Variants in NOX5 observed in about 807,000 individuals in gnomAD.
NOX5 encodes NADPH oxidase 5.
Under a neutral mutation model 85.7 loss-of-function variants are expected in NOX5, and 76 were observed. The ratio of observed to expected loss-of-function variants is 0.89; its 90% CI spans 0.74 to 1.07. The LOEUF is 1.07. Among genes scored for constraint, NOX5 ranks in the 50% least tolerant of loss-of-function variants. The pLI is 0.00. For synonymous variants in NOX5, 405 were observed against 401.4 expected (o/e 1.01, Z -0.11); for missense variants, 973 against 999.5 (o/e 0.97, Z 0.36).
chr15:69,044,391 C>G (rs311931), intron 10 of NOX5, among the ~76,000 whole-genome samples: 148,348 of 152,300 alleles, frequency 0.97, 72,379 homozygotes, highest in East Asian at 1. Flanking sequence ...TGCATAACAT[C>G]TCAGGTGATA....
At chr15:69,049,087 T>A in intron 14 of NOX5, 29 bp downstream of exon 14, 1 of 1,512,958 alleles carries the variant, frequency 6.6e-7, no homozygotes, top group Non-Finnish European at 9.1e-7. Flanking sequence ...CTGAGGGCAG[T>A]AGGAGTAGGG....
intron 9 of NOX5, among the ~76,000 whole-genome samples, chr15:69,041,994 C>T (rs1207083069): frequency 6.6e-6 from 1 of 150,880 alleles, no homozygotes; most frequent in Non-Finnish European, 1.5e-5. Flanking sequence ...ATCCCTGCTT[C>T]GTGTATTTAG....
intron 5 of NOX5, 24 bp from the exon 6 acceptor site, chr15:69,035,330 C>T (rs1395576742): frequency 1.9e-6 from 3 of 1,610,350 alleles, no homozygotes; most frequent in Admixed American, 1.7e-5. Flanking sequence ...TGAGGCAGGG[C>T]TCTCTCCCAC....
chr15:69,015,294 A>T (rs541573566), intron 1 of NOX5, among the ~76,000 whole-genome samples: 1 of 151,614 alleles, frequency 6.6e-6, no homozygotes, highest in South Asian at 2.1e-4. Flanking sequence ...CACCTAGATC[A>T]CTCTGGCTGT....
chr15:69,023,503 C>T (rs2050320107), intron 1 of NOX5: 2 of 350,394 alleles, frequency 5.7e-6, no homozygotes, highest in Admixed American at 7.2e-5. Context: ...GGGTTGTCTT[C>T]TTGACCACCA....
rs755140225 is a variant in NOX5, at chr15:69,028,363, A to T, written c.323A>T (p.Asp108Val). Residue 108 changes from aspartate to valine, a missense_variant and splice_region_variant, in exon 3 of 16, where the codon GAT becomes GTT. By Grantham distance (152) the Asp-to-Val change is radical (BLOSUM62 -3). Coordinates refer to ENST00000388866, the MANE Select transcript of NOX5 (RefSeq NM_024505.4). Reference protein sequence around the residue: ...LKFLFQVYDIDVCARQGASAG... With the variant: ...LKFLFQVYDIVVCARQGASAG... ...TTCCTCTTCCAGGTGTATGACATCG[A>T]TGGTAAGGGCTCTTCCTGGGTGTGG... 1 of 1,598,196 alleles carries T rather than the reference A, an allele frequency of 6.3e-7. No homozygotes were observed. Among genetic ancestry groups the T allele is most frequent in the East Asian group, 2.3e-5 (1 of 44,418 alleles).
At position 69,037,164 on chromosome 15, in the gene NOX5, G is replaced by A. The variant is rs373906925; in HGVS notation, c.1325G>A (p.Arg442His). ...LEKAIGLAVS[R>H]MAAVCIMEVN... ...AAGGCCATCGGACTGGCAGTGTCCC[G>A]CATGGCAGCCGTGTGCATCATGGAA... Residue 442 changes from arginine (R) to histidine (H), a missense_variant, in exon 8 of 16, where the codon CGC becomes CAC. Transcript: ENST00000388866. The A allele has an allele frequency of 1.9e-5, 30 of 1,613,858 alleles. No individual in the cohort carries two copies. The African/African-American group carries it at 2.1e-4, about 11-fold the overall frequency.
In NOX5 at chr15:69,056,725, C is replaced by A. The variant is rs765668064; in HGVS notation, c.*29C>A. ...CACCTCTCCAAGCTCTGCCCCAAGT[C>A]CACACCATGGGTCTGCTTCATTGCA... On this transcript the variant is annotated 3_prime_UTR_variant, in exon 16 of 16. Coordinates refer to ENST00000388866, the MANE Select transcript of NOX5 (RefSeq NM_024505.4). The A allele has an allele frequency of 5.6e-6, 9 of 1,611,398 alleles. No individual in the cohort carries two copies. The Admixed American group carries it at 8.4e-5, about 15-fold the overall frequency.
chr15:69,021,936 G>A (rs1238088151), intron 1 of NOX5, among the ~76,000 whole-genome samples: 1 of 152,238 alleles, frequency 6.6e-6, no homozygotes, highest in African/African-American at 2.4e-5. Context: ...GAAGGTGGCA[G>A]CCTAGAGAGG....
intron 14 of NOX5, among the ~76,000 whole-genome samples, chr15:69,052,656 T>C (rs2050763661): frequency 6.6e-6 from 1 of 152,232 alleles, no homozygotes; most frequent in Non-Finnish European, 1.5e-5. Context: ...AACACAATTT[T>C]CTACAAGAAA....
In NOX5 at chr15:69,062,757, A is replaced by G. The variant is rs2050882920; in HGVS notation, c.*6061A>G. 1 of 152,236 alleles carries G rather than the reference A, an allele frequency of 6.6e-6. No individual in the cohort carries two copies. The highest frequency in any genetic ancestry group is 2.4e-5 in the African/African-American group (1 of 41,448). 9.4% of individuals were successfully genotyped at this position (152,236 alleles called of 1,614,324 possible). The stretch of plus-strand genomic sequence containing the variant: ...TAAACAGCCTGCTCCGTAGGATTGT[A>G]CTGTACGTACCTACTTGTACCTACA... On this transcript the variant is annotated 3_prime_UTR_variant, in exon 16 of 16. Coordinates refer to ENST00000388866, the MANE Select transcript of NOX5 (RefSeq NM_024505.4).
chr15:69,042,733 A>G lies in NOX5; in HGVS notation c.1575A>G (p.Ser525=). Residue 525 remains serine (S), a synonymous_variant, in exon 10 of 16, where the codon TCA becomes TCG. Transcript: ENST00000388866. The part of the protein sequence containing the change: ...TNRLYESFKA[S]DPLGRGSKRL... ...GGCTGTATGAGTCCTTCAAGGCATC[A>G]GACCCACTGGGCCGTGGTTCTAAGA... is the stretch of plus-strand genomic sequence containing the variant. The G allele has an allele frequency of 1.9e-6, 3 of 1,614,186 alleles. No individual in the cohort carries two copies. Among genetic ancestry groups the G allele is most frequent in the Non-Finnish European group, 2.5e-6 (3 of 1,180,020 alleles).
intron 3 of NOX5, chr15:69,030,674 TA>T (rs2050416956): frequency 6.6e-6 from 1 of 152,232 alleles, no homozygotes. Flanking sequence ...TAATATACTC[TA>T]ATTGATTCTG....
chr15:69,028,112 G>T (rs1367356887), intron 2 of NOX5, 103 bp from the exon 3 acceptor site: 1 of 1,299,982 alleles, frequency 7.7e-7, no homozygotes, highest in Non-Finnish European at 1.0e-6. Context: ...ACTCTGTGGT[G>T]CACCCCCCCA....
chr15:69,028,400 G>A (rs757124710), intron 3 of NOX5, 35 bp downstream of exon 3: 5 of 1,536,792 alleles, frequency 3.3e-6, no homozygotes, highest in African/African-American at 2.8e-5. Context: ...CTGGGGTGGG[G>A]AGATCAGTGG....
At chr15:69,055,875 G>A (rs897352983) in intron 15 of NOX5, among the ~76,000 whole-genome samples, 3 of 152,132 alleles carry the variant, frequency 2.0e-5, no homozygotes, top group Non-Finnish European at 2.9e-5. Context: ...ACATGAAATC[G>A]TTTGCAATCC....
In NOX5 at chr15:69,062,420, C is replaced by T. The variant is rs1411090150; in HGVS notation, c.*5724C>T. On this transcript the variant is annotated 3_prime_UTR_variant, in exon 16 of 16. Transcript: ENST00000388866. ...TGGAGGACTCTCCTATTATAGCCAT[C>T]AAACTCCTGAGTCTGCTACACAAGG... 1 of 152,164 alleles carries T rather than the reference C, an allele frequency of 6.6e-6. No homozygotes were observed. The highest frequency in any genetic ancestry group is 1.5e-5 in the Non-Finnish European group (1 of 68,106). 9.4% of individuals were successfully genotyped at this position (152,164 alleles called of 1,614,324 possible).
Position 69,042,803 on chromosome 15 carries a change from A to AAGGT in NOX5, c.1647+3_1647+6dup. On this transcript the variant is annotated frameshift_variant and splice_region_variant, in exon 10 of 16. Transcript: ENST00000388866. LOFTEE classifies it high-confidence loss of function. The stretch of plus-strand genomic sequence containing the variant: ...AATGAGAAAGAGTCAAAGGTCGTCC[A>AAGGT]AGGTAGGTGGCTACTGGAGGGAAGG... 6.2e-7 allele frequency: 1 copy of AAGGT among 1,613,412 alleles called. No homozygotes were observed. Among genetic ancestry groups the AAGGT allele is most frequent in the Non-Finnish European group, 8.5e-7 (1 of 1,179,662 alleles).
chr15:69,019,859 A>C (rs1023177249), intron 1 of NOX5, among the ~76,000 whole-genome samples: 1 of 152,188 alleles, frequency 6.6e-6, no homozygotes, highest in African/African-American at 2.4e-5. Flanking sequence ...TCTCACCAGC[A>C]CTGTTTATAT....
Sources: gnomAD v4.1 joint callset for allele counts (sites outside exome capture counted in the v4.1 genomes callset) on GRCh38, gnomAD v4.1.1 for gene constraint, MANE v1.5 for transcripts, NCBI Gene and HGNC (gene_info 2026-07-23, HGNC 2026-07-21) for gene names.